Variants in ELAVL4 observed in about 807,000 individuals in gnomAD.
ELAVL4 encodes ELAV-like protein 4.
A neutral mutation model predicts 35.6 loss-of-function variants in ELAVL4; 1 was observed. The ratio of observed to expected loss-of-function variants is 0.03; its 90% confidence interval spans 0.01 to 0.13. ELAVL4 has a LOEUF of 0.13. Ranked by LOEUF, ELAVL4 falls within the 10% of genes least tolerant of loss-of-function variation. The pLI is 1.00. For missense variants in ELAVL4, 267 were observed against 464.9 expected (o/e 0.57, Z 3.91); for synonymous variants, 156 against 171.0 (o/e 0.91, Z 0.69).
chr1:50,122,986 G>A (rs1469753998), intron 1 of ELAVL4, among the ~76,000 whole-genome samples: 1 of 151,972 alleles, frequency 6.6e-6, no homozygotes, highest in Non-Finnish European at 1.5e-5. Context: ...AAGGAGACAT[G>A]GCCCCCCGTC....
chr1:50,159,380 G>A (rs554041640), intron 2 of ELAVL4, among the ~76,000 whole-genome samples: 26 of 152,126 alleles, frequency 1.7e-4, no homozygotes, highest in Non-Finnish European at 3.5e-4. Flanking sequence ...GACCGAGGCA[G>A]GCGGATCACT....
chr1:50,112,601 T>C (rs1003382265), intron 1 of ELAVL4, among the ~76,000 whole-genome samples: 9 of 152,148 alleles, frequency 5.9e-5, no homozygotes, highest in African/African-American at 2.2e-4. Context: ...AATCATTTAA[T>C]ATTTAAATTT....
At chr1:50,069,566 G>T (rs999017367) in intron 1 of ELAVL4, among the ~76,000 whole-genome samples, 1 of 152,064 alleles carries the variant, frequency 6.6e-6, no homozygotes, top group African/African-American at 2.4e-5. Context: ...GCATAGTCTT[G>T]GTTCCCCTAC....
intron 1 of ELAVL4, among the ~76,000 whole-genome samples, chr1:50,055,685 A>G (rs1557678267): frequency 6.6e-6 from 1 of 151,940 alleles, no homozygotes. Context: ...TCAAAATTCT[A>G]TATAGGCCAG....
At chr1:50,118,998 C>T (rs12145324) in intron 1 of ELAVL4, among the ~76,000 whole-genome samples, 1 of 76,232 alleles carries the variant, frequency 1.3e-5, no homozygotes, top group East Asian at 3.6e-4. Context: ...GAGAGAGAGA[C>T]AGAGAGAAAG....
intron 1 of ELAVL4, among the ~76,000 whole-genome samples, chr1:50,135,173 G>A (rs1671678314): frequency 6.6e-6 from 1 of 152,080 alleles, no homozygotes; most frequent in Non-Finnish European, 1.5e-5. Flanking sequence ...TTCATCTCCA[G>A]AGCAGAAGTT....
chr1:50,161,801 C>T (rs1233185096), intron 2 of ELAVL4, among the ~76,000 whole-genome samples: 1 of 152,210 alleles, frequency 6.6e-6, no homozygotes, highest in Non-Finnish European at 1.5e-5. Flanking sequence ...TCGTGGCTCC[C>T]TGCACCTCCT....
upstream of ELAVL4, among the ~76,000 whole-genome samples, chr1:50,103,485 C>T (rs1666096179): frequency 6.6e-6 from 1 of 151,736 alleles, no homozygotes; most frequent in African/African-American, 2.4e-5. Flanking sequence ...GAAAATTAAG[C>T]TTTAAATTTT....
rs1311753460 is a variant in ELAVL4, at chr1:50,194,362, A to G, written c.508+444A>G. 2.0e-5 allele frequency among the ~76,000 whole-genome samples: 3 copies of G among 152,204 alleles called. No homozygotes were observed. In the East Asian group the frequency reaches 5.8e-4, roughly 29 times the overall value. On this transcript the variant is annotated intron_variant, in intron 4 of 6. Transcript: ENST00000371824. ...AAACAGGTTGAAAGTGGGGGATCTG[A>G]CTCCCCAAAGCTAGTTAGTAGCAGT...
intron 3 of ELAVL4, among the ~76,000 whole-genome samples, chr1:50,187,912 A>G (rs752888500): frequency 6.6e-6 from 1 of 152,186 alleles, no homozygotes; most frequent in Non-Finnish European, 1.5e-5. Context: ...CCTGGCCAAC[A>G]TAGTGAAATC....
intron 1 of ELAVL4, among the ~76,000 whole-genome samples, chr1:50,086,961 A>G (rs759662957): frequency 2.6e-5 from 4 of 152,144 alleles, no homozygotes; most frequent in Non-Finnish European, 5.9e-5. Flanking sequence ...TTCTTTAGCT[A>G]AAGGAAGAGA....
rs72688534 is a variant in ELAVL4 at position 50,189,535 on chromosome 1, G to A, written c.355-4230G>A. Among the ~76,000 whole-genome samples, 705 of 152,318 alleles carry A rather than the reference G, an allele frequency of 4.6e-3. 3 individuals carry two copies. The highest frequency in any genetic ancestry group is 0.015 in the South Asian group (73 of 4,832). ...CATGTCAGTAAAGTGGTAAAAGATG[G>A]TCCAGACCCCACCAGGGTGGCAGAG... On this transcript the variant is annotated intron_variant, in intron 3 of 6. Transcript: ENST00000371824.
intron 1 of ELAVL4, among the ~76,000 whole-genome samples, chr1:50,075,294 C>T (rs2148490814): frequency 6.6e-6 from 1 of 152,264 alleles, no homozygotes; most frequent in South Asian, 2.1e-4. Flanking sequence ...AGGTTTTAAG[C>T]AGGGGAGCAG....
intron 1 of ELAVL4, among the ~76,000 whole-genome samples, chr1:50,089,819 GGGGAA>G (rs1665410999): frequency 6.6e-6 from 1 of 152,160 alleles, no homozygotes; most frequent in African/African-American, 2.4e-5. Context: ...GCGTGGGCTT[GGGGAA>G]TGAGGTGTAT....
At chr1:50,120,060 AAT>A (rs112021692) in intron 1 of ELAVL4, among the ~76,000 whole-genome samples, 95 of 146,918 alleles carry the variant, frequency 6.5e-4, no homozygotes, top group South Asian at 1.1e-3. Context: ...AGAATCAACA[AAT>A]ATATATATAT....
intron 1 of ELAVL4, among the ~76,000 whole-genome samples, chr1:50,089,520 A>G (rs1665398470): frequency 6.6e-6 from 1 of 152,190 alleles, no homozygotes; most frequent in African/African-American, 2.4e-5. Flanking sequence ...TGGGAGGCCA[A>G]GGTGGGCAGA....
chr1:50,115,925 G>C (rs1307541176), intron 1 of ELAVL4, among the ~76,000 whole-genome samples: 1 of 152,150 alleles, frequency 6.6e-6, no homozygotes, highest in African/African-American at 2.4e-5. Flanking sequence ...TGGAGATGAA[G>C]TTAGGGTGAG....
chr1:50,200,217 T>C lies in ELAVL4; in HGVS notation c.774-634T>C, dbSNP rs1282050983. Reference sequence around the variant, plus strand: ...GCCTGTTCATTGTCACGTATCTCCATCCTCACCAAGAAACATTTGACAACC... The same window carrying C: ...GCCTGTTCATTGTCACGTATCTCCACCCTCACCAAGAAACATTTGACAACC... On this transcript the variant is annotated intron_variant, in intron 6 of 6. Coordinates refer to ENST00000371824, the MANE Select transcript of ELAVL4 (RefSeq NM_001144774.3). 2.6e-5 allele frequency among the ~76,000 whole-genome samples: 4 copies of C among 152,042 alleles called. No homozygotes were observed. In the East Asian group the frequency reaches 7.7e-4, roughly 29 times the overall value.
Position 50,122,478 on chromosome 1 carries a change from T to C in ELAVL4, c.9+13280T>C, listed in dbSNP as rs545167571. Among the ~76,000 whole-genome samples the C allele has an allele frequency of 8.0e-4, 122 of 152,260 alleles. 1 individual carries two copies. The highest frequency in any genetic ancestry group is 2.8e-3 in the African/African-American group (116 of 41,570). The stretch of plus-strand genomic sequence containing the variant: ...TTCTCCTCTAGGGATTAGGGAACCT[T>C]TGTACTAAAGAAACACTGTACATTT... On this transcript the variant is annotated intron_variant, in intron 1 of 6. Coordinates refer to ENST00000371824, the MANE Select transcript of ELAVL4 (RefSeq NM_001144774.3).
Sources: allele counts gnomAD v4.1 joint callset (sites outside exome capture counted in the v4.1 genomes callset), GRCh38; gene constraint gnomAD v4.1.1; transcripts MANE v1.5; gene names NCBI Gene and HGNC (gene_info 2026-07-23, HGNC 2026-07-21).